CDYL: variants seen among roughly 807,000 people sequenced by gnomAD.
The protein encoded by CDYL is chromodomain Y-like protein.
A neutral mutation model predicts 47.3 loss-of-function variants in CDYL; 8 were observed. The ratio of observed to expected loss-of-function variants is 0.17; its 90% CI spans 0.10 to 0.31. The LOEUF (loss-of-function observed/expected upper bound fraction) is 0.31, where lower values mean the gene tolerates loss of function less well. Ranked by LOEUF, CDYL falls within the 10% of genes least tolerant of loss-of-function variation. The probability of loss-of-function intolerance (pLI) is 1.00; values close to 1 mark genes in which losing one functional copy is unlikely to be tolerated. For synonymous variants in CDYL, 266 were observed against 265.0 expected, an observed-to-expected ratio of 1.00 and a Z score of -0.04; for missense variants, 471 against 701.4, an observed-to-expected ratio of 0.67 and a Z score of 3.71.
chr6:4,846,922 C>G (rs1356809146), intron 1 of CDYL, among the ~76,000 whole-genome samples: 1 of 152,170 alleles, frequency 6.6e-6, no homozygotes, highest in Non-Finnish European at 1.5e-5. Flanking sequence ...TCTACTCTTT[C>G]CTTTTCCCAT....
At chr6:4,823,980 G>A (rs1038870551) in intron 1 of CDYL, among the ~76,000 whole-genome samples, 1 of 152,188 alleles carries the variant, frequency 6.6e-6, no homozygotes, top group African/African-American at 2.4e-5. Context: ...GGGAGATCTT[G>A]TAGTATTTGT....
intron 2 of CDYL, among the ~76,000 whole-genome samples, chr6:4,725,366 G>A (rs1348608373): frequency 6.6e-6 from 1 of 152,230 alleles, no homozygotes; most frequent in African/African-American, 2.4e-5. Flanking sequence ...GGGACTGGGC[G>A]CCGTGGAGCA....
intron 1 of CDYL, among the ~76,000 whole-genome samples, chr6:4,862,902 G>A (rs998021738): frequency 4.6e-5 from 7 of 152,150 alleles, no homozygotes; most frequent in Non-Finnish European, 1.5e-5. Flanking sequence ...ACCTGCACAT[G>A]TATGTTTATT....
At chr6:4,810,635 C>T (rs1224365865) in intron 1 of CDYL, among the ~76,000 whole-genome samples, 2 of 152,136 alleles carry the variant, frequency 1.3e-5, no homozygotes, top group Non-Finnish European at 2.9e-5. Context: ...ATACTATAAA[C>T]TGGGAGGCTT....
rs1205400677 is a variant in CDYL, at chr6:4,921,013, G to GTGTT, written c.692-14501_692-14500insGTTT. 2.0e-5 allele frequency among the ~76,000 whole-genome samples: 3 copies of GTGTT among 151,852 alleles called. No homozygotes were observed. In the East Asian group the frequency reaches 5.8e-4, roughly 29 times the overall value. On this transcript the variant is annotated intron_variant, in intron 2 of 6. Transcript: ENST00000397588. ...GATACATCTGTGTGTGTGTGTGTGT[G>GTGTT]TATGTGTGGCTTCTTAGTAATTCCA... is the stretch of plus-strand genomic sequence containing the variant.
chr6:4,902,671 C>T (rs1420344301), intron 2 of CDYL, among the ~76,000 whole-genome samples: 2 of 152,150 alleles, frequency 1.3e-5, no homozygotes, highest in African/African-American at 2.4e-5. Flanking sequence ...TTTGATATCT[C>T]ACCTTTTACA....
chr6:4,918,042 A>G (rs1757605757), intron 2 of CDYL, among the ~76,000 whole-genome samples: 1 of 152,248 alleles, frequency 6.6e-6, no homozygotes, highest in African/African-American at 2.4e-5. Context: ...ATTAACGGCC[A>G]CACACTGTTA....
At chr6:4,768,185 C>T (rs1758285092) in intron 3 of CDYL, among the ~76,000 whole-genome samples, 1 of 152,226 alleles carries the variant, frequency 6.6e-6, no homozygotes, top group Admixed American at 6.5e-5. Context: ...GCCCTCTTCA[C>T]CTAATTCATC....
At chr6:4,949,318 C>T (rs1758626303) in intron 5 of CDYL, among the ~76,000 whole-genome samples, 1 of 152,214 alleles carries the variant, frequency 6.6e-6, no homozygotes, top group Non-Finnish European at 1.5e-5. Flanking sequence ...ACGCTCACAC[C>T]TTGAGAGCCC....
rs529832776 is a variant in CDYL, at chr6:4,933,612, C to T, written c.692-1903C>T. 2.0e-4 allele frequency among the ~76,000 whole-genome samples: 30 copies of T among 152,272 alleles called. 1 individual carries two copies. The highest frequency in any genetic ancestry group is 6.2e-4 in the South Asian group (3 of 4,828). ...CCTGAGGGGAGACGAGATTGTCAAA[C>T]GTTTTTAAACAAAGATGGGAGAAGG... On this transcript the variant is annotated intron_variant, in intron 2 of 6. Transcript: ENST00000397588.
At chr6:4,829,765 GAT>G (rs375044652) in intron 1 of CDYL, among the ~76,000 whole-genome samples, 1 of 152,326 alleles carries the variant, frequency 6.6e-6, no homozygotes, top group African/African-American at 2.4e-5. Flanking sequence ...TGGTCTTCTA[GAT>G]AGCCTTCAGT....
chr6:4,882,935 G>C (rs1761801870), intron 1 of CDYL, among the ~76,000 whole-genome samples: 1 of 152,100 alleles, frequency 6.6e-6, no homozygotes, highest in African/African-American at 2.4e-5. Context: ...CCACTCCACT[G>C]CTCTGGGAAA....
chr6:4,706,388 A>C (rs1324564423), intron 1 of CDYL: 2 of 151,996 alleles, frequency 1.3e-5, no homozygotes, highest in Admixed American at 6.6e-5. Flanking sequence ...TTCCATTTGA[A>C]CAAAGAGCTC....
chr6:4,930,311 C>T (rs933058998), intron 2 of CDYL, among the ~76,000 whole-genome samples: 1 of 152,240 alleles, frequency 6.6e-6, no homozygotes, highest in African/African-American at 2.4e-5. Context: ...CCCCTAGGCT[C>T]TCTGGAACTT....
chr6:4,928,851 A>G (rs62384683), intron 2 of CDYL: 78 of 152,102 alleles, frequency 5.1e-4, no homozygotes, highest in Non-Finnish European at 9.3e-4. Flanking sequence ...AAGATACTTT[A>G]ATATATTTGT....
At chr6:4,845,370 A>G (rs1040043170) in intron 1 of CDYL, among the ~76,000 whole-genome samples, 2 of 152,214 alleles carry the variant, frequency 1.3e-5, no homozygotes, top group African/African-American at 2.4e-5. Context: ...TTGAAGGCTA[A>G]ATGAGTTGAG....
chr6:4,949,140 G>T (rs919316272), intron 5 of CDYL, among the ~76,000 whole-genome samples: 4 of 152,270 alleles, frequency 2.6e-5, no homozygotes, highest in Non-Finnish European at 5.9e-5. Context: ...CAGCCAAGGA[G>T]TCTCTTCCAG....
chr6:4,858,600 G>T (rs950972593), intron 1 of CDYL, among the ~76,000 whole-genome samples: 24 of 152,216 alleles, frequency 1.6e-4, no homozygotes, highest in Non-Finnish European at 1.5e-4. Flanking sequence ...TGGCTGGCAT[G>T]CTTATTCATC....
chr6:4,842,163 T>G (rs1760518111), intron 1 of CDYL, among the ~76,000 whole-genome samples: 2 of 141,742 alleles, frequency 1.4e-5, no homozygotes, highest in East Asian at 2.0e-4. Context: ...ATTATAAATA[T>G]ATTATATTAT....
Sources: gnomAD v4.1 joint callset for allele counts (sites outside exome capture counted in the v4.1 genomes callset) on GRCh38, gnomAD v4.1.1 for gene constraint, MANE v1.5 for transcripts, NCBI Gene and HGNC (gene_info 2026-07-23, HGNC 2026-07-21) for gene names.